GMDS: variants seen among roughly 807,000 people sequenced by gnomAD.
GMDS encodes GDP-mannose 4,6-dehydratase.
Under a neutral mutation model 49.9 loss-of-function variants are expected in GMDS, and 20 were observed. The observed-to-expected ratio is 0.40, with a 90% CI of 0.28 to 0.58. The LOEUF (loss-of-function observed/expected upper bound fraction) is 0.58, where lower values mean the gene tolerates loss of function less well. Among genes scored for constraint, GMDS ranks in the 20% least tolerant of loss-of-function variants. GMDS has a pLI of 0.42. For missense variants in GMDS, 362 were observed against 481.4 expected, an observed-to-expected ratio of 0.75 and a Z score of 2.32; for synonymous variants, 177 against 178.6, an observed-to-expected ratio of 0.99 and a Z score of 0.07.
intron 4 of GMDS, among the ~76,000 whole-genome samples, chr6:1,966,275 C>A (rs929417200): frequency 6.7e-6 from 1 of 149,524 alleles, no homozygotes; most frequent in Non-Finnish European, 1.5e-5. Context: ...AGTATGCATC[C>A]AATCACAAAG....
chr6:1,745,177 G>A (rs1767435240), intron 7 of GMDS, among the ~76,000 whole-genome samples: 1 of 152,202 alleles, frequency 6.6e-6, no homozygotes, highest in African/African-American at 2.4e-5. Context: ...ATCTCAAATA[G>A]GTCTTTCAGG....
In GMDS at chr6:1,934,926, G is replaced by A. The variant is rs56284044; in HGVS notation, c.644-4696C>T. 9.2e-3 allele frequency among the ~76,000 whole-genome samples: 1,405 copies of A among 152,224 alleles called. 22 individuals are homozygous for A. Among genetic ancestry groups the A allele is most frequent in the African/African-American group, 0.032 (1,342 of 41,548 alleles). Reference sequence around the variant, plus strand: ...CTGAGTCAGGACAAGTAGCCGAGCCGGACCCAGGCCTGTCTCACTGGCTTT... The same window carrying A: ...CTGAGTCAGGACAAGTAGCCGAGCCAGACCCAGGCCTGTCTCACTGGCTTT... On this transcript the variant is annotated intron_variant, in intron 6 of 10. Transcript: ENST00000380815.
At chr6:2,152,460 T>C (rs1018574016) in intron 1 of GMDS, among the ~76,000 whole-genome samples, 5 of 152,114 alleles carry the variant, frequency 3.3e-5, no homozygotes, top group Non-Finnish European at 7.4e-5. Context: ...AATTTAAAAA[T>C]GATAACATTC....
At chr6:1,775,449 T>C (rs1768759310) in intron 7 of GMDS, among the ~76,000 whole-genome samples, 1 of 152,220 alleles carries the variant, frequency 6.6e-6, no homozygotes, top group Non-Finnish European at 1.5e-5. Context: ...TAAAACACTT[T>C]ACTGTCACTT....
chr6:1,628,073 C>G (rs1398464886), intron 9 of GMDS, among the ~76,000 whole-genome samples: 2 of 152,200 alleles, frequency 1.3e-5, no homozygotes, highest in African/African-American at 2.4e-5. Context: ...GCTGTACCAT[C>G]CAGGCATACA....
At chr6:1,777,369 G>A (rs1243493660) in intron 7 of GMDS, among the ~76,000 whole-genome samples, 3 of 152,154 alleles carry the variant, frequency 2.0e-5, no homozygotes, top group Non-Finnish European at 4.4e-5. Context: ...TTTTAAATGT[G>A]GCAATTCTAG....
intron 1 of GMDS, among the ~76,000 whole-genome samples, chr6:2,229,837 T>C (rs1780996563): frequency 6.6e-6 from 1 of 152,202 alleles, no homozygotes; most frequent in Admixed American, 6.5e-5. Context: ...TTGGTTGCTC[T>C]ACCTGAAGAA....
At chr6:2,025,547 T>TG (rs1188642265) in intron 4 of GMDS, among the ~76,000 whole-genome samples, 1 of 151,626 alleles carries the variant, frequency 6.6e-6, no homozygotes, top group African/African-American at 2.4e-5. Context: ...TCCTTGTAAT[T>TG]GAAAAAAAAA....
At chr6:2,038,770 G>A (rs1769461528) in intron 4 of GMDS, among the ~76,000 whole-genome samples, 1 of 152,150 alleles carries the variant, frequency 6.6e-6, no homozygotes, top group African/African-American at 2.4e-5. Flanking sequence ...TAAAAAACAT[G>A]AGGGTTATTT....
At chr6:1,636,641 C>A (rs1370636614) in intron 9 of GMDS, among the ~76,000 whole-genome samples, 1 of 152,182 alleles carries the variant, frequency 6.6e-6, no homozygotes, top group African/African-American at 2.4e-5. Flanking sequence ...GAGGGATGAG[C>A]CCCCAGGATG....
intron 4 of GMDS, among the ~76,000 whole-genome samples, chr6:1,986,789 A>G (rs899476373): frequency 3.3e-5 from 5 of 152,176 alleles, no homozygotes; most frequent in African/African-American, 1.2e-4. Context: ...ATATTTGGTA[A>G]GAGCAATTTC....
intron 1 of GMDS, among the ~76,000 whole-genome samples, chr6:2,131,375 A>G (rs1275158468): frequency 2.6e-5 from 4 of 152,146 alleles, no homozygotes; most frequent in African/African-American, 9.7e-5. Flanking sequence ...TTAGGAGAAA[A>G]ACAGCACACA....
rs562861347 is a variant in GMDS, at chr6:1,913,298, G to A, written c.771+16805C>T. ...CGGGAGGCTGAGGCAGGAGAATGGC[G>A]TGAACCCGGGAGGCGGAGCTTGCAG... is the stretch of plus-strand genomic sequence containing the variant. On this transcript the variant is annotated intron_variant, in intron 7 of 10. Transcript: ENST00000380815. 1.3e-4 allele frequency among the ~76,000 whole-genome samples: 20 copies of A among 150,042 alleles called. 1 individual carries two copies. Among genetic ancestry groups the A allele is most frequent in the South Asian group, 8.4e-4 (4 of 4,750 alleles).
chr6:2,007,326 C>G (rs369714653), intron 4 of GMDS, among the ~76,000 whole-genome samples: 1 of 152,170 alleles, frequency 6.6e-6, no homozygotes, highest in African/African-American at 2.4e-5. Context: ...TAAGCATTCC[C>G]CTAATTAAAA....
At chr6:1,752,350 G>T (rs1333073512) in intron 7 of GMDS, among the ~76,000 whole-genome samples, 1 of 152,182 alleles carries the variant, frequency 6.6e-6, no homozygotes, top group Non-Finnish European at 1.5e-5. Flanking sequence ...AGAATGAAAA[G>T]GAATGAACAA....
intron 7 of GMDS, among the ~76,000 whole-genome samples, chr6:1,861,458 C>T (rs530884633): frequency 1.3e-4 from 20 of 152,040 alleles, no homozygotes; most frequent in Non-Finnish European, 2.6e-4. Flanking sequence ...CTGGGTTAGG[C>T]ATCTTGGAAA....
chr6:2,244,036 A>T (rs1379745002), intron 1 of GMDS, among the ~76,000 whole-genome samples: 1 of 150,886 alleles, frequency 6.6e-6, no homozygotes, highest in African/African-American at 2.4e-5. Context: ...CTCATTTTTT[A>T]AATTTTTTTG....
intron 1 of GMDS, among the ~76,000 whole-genome samples, chr6:2,180,226 C>A (rs550736086): frequency 6.6e-6 from 1 of 152,288 alleles, no homozygotes; most frequent in East Asian, 1.9e-4. Context: ...GTACCTCTCT[C>A]AGGGAAATAA....
chr6:1,954,008 T>C (rs989549522), intron 6 of GMDS, among the ~76,000 whole-genome samples: 3 of 152,184 alleles, frequency 2.0e-5, no homozygotes, highest in South Asian at 4.1e-4. Context: ...CCTTTTTCCC[T>C]AGAGAGTCTA....
Sources: allele counts gnomAD v4.1 joint callset (sites outside exome capture counted in the v4.1 genomes callset), GRCh38; gene constraint gnomAD v4.1.1; transcripts MANE v1.5; gene names NCBI Gene and HGNC (gene_info 2026-07-23, HGNC 2026-07-21).